Variants in CFAP52 observed in about 807,000 individuals in gnomAD.
The protein encoded by CFAP52 is cilia- and flagella-associated protein 52.
In CFAP52, 57 loss-of-function variants were observed where a neutral mutation model predicts 70.5. The ratio of observed to expected loss-of-function variants is 0.81; its 90% confidence interval spans 0.65 to 1.01. CFAP52 has a LOEUF of 1.01. CFAP52 is among the 50% of genes least tolerant of loss of function. The pLI is 0.00. For synonymous variants in CFAP52, 267 were observed against 292.5 expected, an observed-to-expected ratio of 0.91 and a Z score of 0.89; for missense variants, 785 against 788.5, an observed-to-expected ratio of 1.00 and a Z score of 0.05.
chr17:9,626,455 C>A (rs1472938246), intron 8 of CFAP52, among the ~76,000 whole-genome samples: 1 of 152,162 alleles, frequency 6.6e-6, no homozygotes. Context: ...GTCTCAAACT[C>A]CTGACCTCAG....
chr17:9,600,741 A>AT (rs1909231944), intron 6 of CFAP52, among the ~76,000 whole-genome samples: 1 of 151,978 alleles, frequency 6.6e-6, no homozygotes, highest in South Asian at 2.1e-4. Flanking sequence ...ATTTTTTTGT[A>AT]TTTTTTAATA....
Position 9,641,783 on chromosome 17 carries a change from TG to T in CFAP52, c.1638del (p.Ser547ArgfsTer2). 6.2e-7 allele frequency: 1 copy of T among 1,614,034 alleles called. No homozygotes were observed. Among genetic ancestry groups the T allele is most frequent in the Non-Finnish European group, 8.5e-7 (1 of 1,179,916 alleles). On this transcript the variant is annotated frameshift_variant, in exon 13 of 14. Coordinates refer to ENST00000352665, the MANE Select transcript of CFAP52 (RefSeq NM_145054.5). LOFTEE classifies it high-confidence loss of function. ...TCAGAGAATTGGAAGGTTCCCTGTCTGGGTCGATAAATGGCATGGATATCAC... is the reference window on the plus strand; with the variant it reads ...TCAGAGAATTGGAAGGTTCCCTGTCTGGTCGATAAATGGCATGGATATCAC... ...VIRELEGSLS[G>X]SINGMDITQE...
chr17:9,583,220 A>T (rs1406026552), intron 1 of CFAP52, among the ~76,000 whole-genome samples: 1 of 152,192 alleles, frequency 6.6e-6, no homozygotes, highest in African/African-American at 2.4e-5. Flanking sequence ...CACCCTAAAG[A>T]CATAAACCTT....
chr17:9,608,945 G>A (rs1222276399), intron 7 of CFAP52, among the ~76,000 whole-genome samples: 1 of 152,184 alleles, frequency 6.6e-6, no homozygotes, highest in East Asian at 1.9e-4. Flanking sequence ...ACATGGTCCA[G>A]ATAAAGTAAA....
rs767576439 is a variant in CFAP52, at chr17:9,628,759, C to T, written c.1113C>T (p.Thr371=). The T allele has an allele frequency of 3.7e-6, 6 of 1,614,120 alleles. No homozygotes were observed. Among genetic ancestry groups the T allele is most frequent in the South Asian group, 1.1e-5 (1 of 91,070 alleles). Residue 371 remains threonine (T), a synonymous_variant, in exon 9 of 14, where the codon ACC becomes ACT. Coordinates refer to ENST00000352665, the MANE Select transcript of CFAP52 (RefSeq NM_145054.5). The stretch of plus-strand genomic sequence containing the variant: ...CCAACAGGGAGCTGCTGCGGATCAC[C>T]GTGCCCAACATGACCTGCCACGGCA... ...TSSNRELLRI[T]VPNMTCHGID...
At chr17:9,637,490 C>T (rs1480391577) in intron 11 of CFAP52, among the ~76,000 whole-genome samples, 1 of 152,204 alleles carries the variant, frequency 6.6e-6, no homozygotes, top group African/African-American at 2.4e-5. Context: ...TGTGAGATGG[C>T]CACCCACCAC....
rs923604345 is a variant in CFAP52, at chr17:9,598,350, GT to G, written c.636+18del. The G allele has an allele frequency of 2.5e-6, 4 of 1,596,618 alleles. No individual in the cohort carries two copies. In the African/African-American group the frequency reaches 5.4e-5, roughly 21 times the overall value. Reference sequence around the variant, plus strand: ...AGTATTGGAGTAAGTATTAATTTAAGTATTAAGTAACAATTAGCACACGTTC... The same window carrying G: ...AGTATTGGAGTAAGTATTAATTTAAGATTAAGTAACAATTAGCACACGTTC... On this transcript the variant is annotated intron_variant, in intron 5 of 13. Coordinates refer to ENST00000352665, the MANE Select transcript of CFAP52 (RefSeq NM_145054.5).
At chr17:9,585,735 G>A in intron 1 of CFAP52, 38 bp from the exon 2 acceptor site, 1 of 1,604,852 alleles carries the variant, frequency 6.2e-7, no homozygotes, top group Non-Finnish European at 8.5e-7. Flanking sequence ...GGCCACTTCT[G>A]CACCTGATTA....
At chr17:9,638,496 C>A in intron 11 of CFAP52, 113 bp from the exon 12 acceptor site, 1 of 878,664 alleles carries the variant, frequency 1.1e-6, no homozygotes, top group Non-Finnish European at 1.8e-6. Context: ...AGATGTTTGG[C>A]ATGGAGATAA....
At chr17:9,577,211 G>A (rs1297275710) in intron 1 of CFAP52, among the ~76,000 whole-genome samples, 1 of 152,180 alleles carries the variant, frequency 6.6e-6, no homozygotes, top group African/African-American at 2.4e-5. Context: ...ATCCCAACTG[G>A]CGTACCAGTG....
chr17:9,576,856 A>C, intron 1 of CFAP52, 91 bp downstream of exon 1: 1 of 1,375,550 alleles, frequency 7.3e-7, no homozygotes, highest in Non-Finnish European at 9.9e-7. Flanking sequence ...GGGACACCTG[A>C]AAGGCAGTGT....
rs565185628 is a variant in CFAP52 at position 9,634,416 on chromosome 17, A to C, written c.1321-989A>C. Reference sequence around the variant, plus strand: ...TCTCAGCACTTTGGGAGGCTGAGGCAGGTGGATCACCTGAGCTCAGGAGTT... The same window carrying C: ...TCTCAGCACTTTGGGAGGCTGAGGCCGGTGGATCACCTGAGCTCAGGAGTT... On this transcript the variant is annotated intron_variant, in intron 10 of 13. Transcript: ENST00000352665. Among the ~76,000 whole-genome samples the C allele has an allele frequency of 8.5e-5, 13 of 152,288 alleles. No homozygotes were observed. In the South Asian group the frequency reaches 2.1e-3, roughly 24 times the overall value.
intron 6 of CFAP52, among the ~76,000 whole-genome samples, chr17:9,605,902 T>C (rs1361508676): frequency 2.0e-5 from 3 of 151,960 alleles, no homozygotes; most frequent in Non-Finnish European, 2.9e-5. Context: ...ACAATGGATT[T>C]TGGGTGATAA....
chr17:9,642,645 T>A (rs187608770), intron 13 of CFAP52, among the ~76,000 whole-genome samples: 7 of 152,176 alleles, frequency 4.6e-5, no homozygotes, highest in African/African-American at 1.7e-4. Context: ...AAAAAATAAA[T>A]AAATGCATGA....
intron 6 of CFAP52, among the ~76,000 whole-genome samples, chr17:9,603,449 T>C (rs953825118): frequency 6.6e-6 from 1 of 152,176 alleles, no homozygotes; most frequent in African/African-American, 2.4e-5. Flanking sequence ...GACCCCGTGA[T>C]CCACCCGCCT....
At chr17:9,607,166 C>G (rs532917765) in intron 6 of CFAP52, among the ~76,000 whole-genome samples, 2 of 152,006 alleles carry the variant, frequency 1.3e-5, no homozygotes, top group Non-Finnish European at 2.9e-5. Context: ...GCCAACATGG[C>G]GAAACCCCAT....
chr17:9,586,634 G>T, intron 2 of CFAP52, 64 bp from the exon 3 acceptor site: 1 of 1,494,670 alleles, frequency 6.7e-7, no homozygotes, highest in South Asian at 1.4e-5. Flanking sequence ...ACCAAGAAGG[G>T]TAGCTATCTC....
intron 4 of CFAP52, among the ~76,000 whole-genome samples, chr17:9,597,803 A>AAGAGAGAGAGAGAGAGAGAG (rs10548437): frequency 2.2e-5 from 3 of 139,014 alleles, no homozygotes; most frequent in African/African-American, 8.2e-5. Flanking sequence ...CTCTGTCAGA[A>AAGAGAGAGAGAGAGAGAGAG]AGAGAGAGAG....
intron 13 of CFAP52, among the ~76,000 whole-genome samples, chr17:9,642,410 G>T (rs1911113118): frequency 6.6e-6 from 1 of 152,154 alleles, no homozygotes; most frequent in Non-Finnish European, 1.5e-5. Context: ...GATCACCTGG[G>T]GTCAGGAGTT....
Sources: gnomAD v4.1 joint callset for allele counts (sites outside exome capture counted in the v4.1 genomes callset) on GRCh38, gnomAD v4.1.1 for gene constraint, MANE v1.5 for transcripts, NCBI Gene and HGNC (gene_info 2026-07-23, HGNC 2026-07-21) for gene names.